Variants in PSMG2 observed in about 807,000 individuals in gnomAD.
PSMG2 encodes proteasome assembly chaperone 2.
A neutral mutation model predicts 31.5 loss-of-function variants in PSMG2; 21 were observed. The ratio of observed to expected loss-of-function variants is 0.67; its 90% confidence interval spans 0.47 to 0.96. The LOEUF (loss-of-function observed/expected upper bound fraction) is 0.96, where lower values mean the gene tolerates loss of function less well. Ranked by LOEUF, PSMG2 falls within the 40% of genes least tolerant of loss-of-function variation. The probability of loss-of-function intolerance (pLI) is 0.00; values close to 1 mark genes in which losing one functional copy is unlikely to be tolerated. For synonymous variants in PSMG2, 120 were observed against 110.4 expected (o/e 1.09, Z -0.54); for missense variants, 318 against 321.2 (o/e 0.99, Z 0.08).
intron 5 of PSMG2, among the ~76,000 whole-genome samples, chr18:12,722,399 A>G (rs2040439401): frequency 6.6e-6 from 1 of 152,104 alleles, no homozygotes; most frequent in Non-Finnish European, 1.5e-5. Context: ...AGTGGAGGAA[A>G]TCAGTTAAGA....
chr18:12,665,507 T>C (rs1437379997), intron 1 of PSMG2, among the ~76,000 whole-genome samples: 2 of 152,204 alleles, frequency 1.3e-5, no homozygotes, highest in Non-Finnish European at 2.9e-5. Context: ...CTTTCCCTTA[T>C]GTGCCATACC....
intron 2 of PSMG2, among the ~76,000 whole-genome samples, chr18:12,709,992 G>C (rs576969792): frequency 6.8e-6 from 1 of 146,696 alleles, no homozygotes; most frequent in African/African-American, 2.5e-5. Flanking sequence ...GCCCAGTCTG[G>C]AGTGCGGTGG....
chr18:12,676,737 A>G (rs1250680279), intron 1 of PSMG2, among the ~76,000 whole-genome samples: 11 of 152,220 alleles, frequency 7.2e-5, no homozygotes, highest in East Asian at 1.9e-4. Flanking sequence ...TGCTGAAAAC[A>G]TATTACAAAT....
rs375424383 is a variant in PSMG2, at chr18:12,660,836, T to C, written c.-37+2063T>C. On this transcript the variant is annotated intron_variant, in intron 1 of 6. Coordinates refer to the PSMG2 transcript ENST00000585331. ...CTGTGTGAGCATATATGTAATTAAG[T>C]TGAGGAAAGATGACAAGTAGAATAT... Among the ~76,000 whole-genome samples, 10 of 152,294 alleles carry C rather than the reference T, an allele frequency of 6.6e-5. No individual in the cohort carries two copies. The East Asian group carries it at 1.5e-3, about 24-fold the overall frequency.
chr18:12,699,230 G>A (rs772028427), upstream of PSMG2: 37 of 1,437,208 alleles, frequency 2.6e-5, no homozygotes, highest in Admixed American at 2.5e-4. Context: ...TATATATGAG[G>A]AAACTGCCAA....
chr18:12,707,303 A>T (rs756838123), intron 2 of PSMG2, among the ~76,000 whole-genome samples: 3 of 152,096 alleles, frequency 2.0e-5, no homozygotes, highest in African/African-American at 7.2e-5. Flanking sequence ...TTGTTTTTCA[A>T]CATGGATTTT....
intron 1 of PSMG2, chr18:12,677,994 G>A (rs2039204926): frequency 1.4e-6 from 1 of 718,742 alleles, no homozygotes; most frequent in Non-Finnish European, 2.3e-6. Context: ...AGTAGGGACT[G>A]TAGTTGTTTT....
At chr18:12,680,949 A>G (rs2039325160) in intron 1 of PSMG2, 1 of 915,382 alleles carries the variant, frequency 1.1e-6, no homozygotes, top group South Asian at 2.0e-5. Flanking sequence ...CTGTAATCCC[A>G]ACACTTTGGG....
chr18:12,716,712 T>C (rs2040380223), intron 3 of PSMG2, among the ~76,000 whole-genome samples: 1 of 152,012 alleles, frequency 6.6e-6, no homozygotes, highest in Non-Finnish European at 1.5e-5. Context: ...AATTTCAAAA[T>C]AGCAAACATT....
At chr18:12,662,249 T>C (rs531246099) in intron 1 of PSMG2, 2 of 434,378 alleles carry the variant, frequency 4.6e-6, no homozygotes, top group South Asian at 1.7e-5. Context: ...TTGCCCACAA[T>C]TGTAATACCT....
intron 4 of PSMG2, among the ~76,000 whole-genome samples, chr18:12,719,131 G>A (rs918951653): frequency 2.0e-5 from 3 of 150,910 alleles, no homozygotes; most frequent in Non-Finnish European, 4.4e-5. Context: ...GGCTGGTCTC[G>A]AATTCCCAGG....
At chr18:12,696,715 G>A (rs1249517014) in intron 1 of PSMG2, among the ~76,000 whole-genome samples, 1 of 152,064 alleles carries the variant, frequency 6.6e-6, no homozygotes, top group African/African-American at 2.4e-5. Context: ...AAATAAGATA[G>A]GCACCAGCTC....
At chr18:12,713,199 C>T (rs1321465663) in intron 3 of PSMG2, among the ~76,000 whole-genome samples, 1 of 152,206 alleles carries the variant, frequency 6.6e-6, no homozygotes, top group African/African-American at 2.4e-5. Flanking sequence ...ACTTGCTGAT[C>T]TGCCTCCCAC....
chr18:12,707,629 C>A (rs1234628567), intron 2 of PSMG2, among the ~76,000 whole-genome samples: 1 of 152,196 alleles, frequency 6.6e-6, no homozygotes, highest in Non-Finnish European at 1.5e-5. Flanking sequence ...TATAATGCAG[C>A]ACAGCACCAG....
chr18:12,698,891 C>T (rs2040053717), upstream of PSMG2: 1 of 929,592 alleles, frequency 1.1e-6, no homozygotes, highest in African/African-American at 1.7e-5. Context: ...ATAAATCTCT[C>T]CTTACAGAAA....
At chr18:12,678,335 A>G in intron 1 of PSMG2, 1 of 1,614,192 alleles carries the variant, frequency 6.2e-7, no homozygotes, top group Middle Eastern at 1.6e-4. Context: ...ACAATTTCCC[A>G]GGAACATCTG....
intron 1 of PSMG2, among the ~76,000 whole-genome samples, chr18:12,693,702 G>C (rs1234611320): frequency 2.0e-5 from 3 of 152,098 alleles, no homozygotes; most frequent in African/African-American, 7.2e-5. Flanking sequence ...AGAATTGCTT[G>C]AACTCGGCAG....
At chr18:12,720,901 C>T (rs1315762463) in intron 5 of PSMG2, among the ~76,000 whole-genome samples, 11 of 152,316 alleles carry the variant, frequency 7.2e-5, no homozygotes, top group East Asian at 1.9e-4. Flanking sequence ...CACGGTGGCT[C>T]ACACTTGTAA....
At chr18:12,674,519 C>T (rs747645488) in intron 1 of PSMG2, 19 of 1,591,470 alleles carry the variant, frequency 1.2e-5, no homozygotes, top group Admixed American at 3.3e-5. Context: ...AAAATGATTC[C>T]GTAAATTACA....
Sources: gnomAD v4.1 joint callset for allele counts (sites outside exome capture counted in the v4.1 genomes callset) on GRCh38, gnomAD v4.1.1 for gene constraint, MANE v1.5 for transcripts, NCBI Gene and HGNC (gene_info 2026-07-23, HGNC 2026-07-21) for gene names.